The following RAD50 variants were observed in gnomAD, a reference collection of about 807,000 sequenced individuals.
RAD50 encodes the protein DNA repair protein RAD50.
RAD50 carries 132 observed loss-of-function variants against 168.8 expected under a neutral mutation model. The observed-to-expected ratio is 0.78, with a 90% CI of 0.68 to 0.90. RAD50 has a LOEUF of 0.90. Ranked by LOEUF, RAD50 falls within the 40% of genes least tolerant of loss-of-function variation. The pLI is 0.00. For missense variants in RAD50, 1,347 were observed against 1,534.4 expected (o/e 0.88, Z 2.04); for synonymous variants, 525 against 497.4 (o/e 1.06, Z -0.74).
chr5:132,599,660 C>G (rs1222752194), intron 13 of RAD50, among the ~76,000 whole-genome samples: 1 of 151,908 alleles, frequency 6.6e-6, no homozygotes, highest in African/African-American at 2.4e-5. Context: ...TAAGCTCAAG[C>G]AATCCTCCTA....
At chr5:132,637,444 A>T (rs1263799665) in intron 22 of RAD50, among the ~76,000 whole-genome samples, 1 of 152,186 alleles carries the variant, frequency 6.6e-6, no homozygotes, top group African/African-American at 2.4e-5. Flanking sequence ...TGATGACATA[A>T]TAGGTTCTGT....
chr5:132,569,894 C>T (rs1007591030), intron 2 of RAD50, among the ~76,000 whole-genome samples: 1 of 151,932 alleles, frequency 6.6e-6, no homozygotes, highest in Non-Finnish European at 1.5e-5. Context: ...AAAGGAATCA[C>T]AAGGGAAATT....
chr5:132,617,319 C>T (rs1366745417), intron 20 of RAD50, among the ~76,000 whole-genome samples: 1 of 152,148 alleles, frequency 6.6e-6, no homozygotes, highest in Non-Finnish European at 1.5e-5. Context: ...TTACTAAGTA[C>T]AACTATTTTT....
chr5:132,569,048 A>G (rs1750257428), intron 2 of RAD50, among the ~76,000 whole-genome samples: 1 of 152,202 alleles, frequency 6.6e-6, no homozygotes. Context: ...TACAAAATTC[A>G]CAATCAAAAG....
Position 132,617,999 on chromosome 5 carries a change from C to T in RAD50, c.3165-71C>T, listed in dbSNP as rs1013990942. Reference sequence around the variant, plus strand: ...TGATACTTAACCTATCTAAAGAAATCTATGACTTTTCCACTTCAGGTTGTT... The same window carrying T: ...TGATACTTAACCTATCTAAAGAAATTTATGACTTTTCCACTTCAGGTTGTT... On this transcript the variant is annotated intron_variant, in intron 20 of 24. Transcript: ENST00000378823. 2.4e-6 allele frequency: 3 copies of T among 1,235,972 alleles called. No individual in the cohort carries two copies. The African/African-American group carries it at 4.5e-5, about 18-fold the overall frequency. The allele number at this position is 1,235,972 out of a possible 1,614,324, so 76.6% of individuals were successfully genotyped here. A position where few individuals can be genotyped will look rare whatever the true frequency, so the allele number is the denominator to read the frequency against.
intron 13 of RAD50, among the ~76,000 whole-genome samples, chr5:132,602,118 TA>T (rs1276798595): frequency 1.3e-5 from 2 of 152,116 alleles, no homozygotes; most frequent in African/African-American, 4.8e-5. Context: ...TCCCAGAACT[TA>T]AAGCATAAAA....
chr5:132,572,621 C>G (rs1464361133), intron 2 of RAD50, among the ~76,000 whole-genome samples: 1 of 152,026 alleles, frequency 6.6e-6, no homozygotes, highest in East Asian at 1.9e-4. Context: ...CATTGTTGGT[C>G]TTTTAGGTCT....
intron 24 of RAD50, chr5:132,641,944 T>C: frequency 1.8e-6 from 1 of 553,794 alleles, no homozygotes; most frequent in South Asian, 2.3e-5. Flanking sequence ...TGTGAGTCCC[T>C]AAGCCAGACC....
intron 2 of RAD50, among the ~76,000 whole-genome samples, chr5:132,564,180 T>C (rs938737873): frequency 7.2e-5 from 11 of 151,990 alleles, no homozygotes; most frequent in African/African-American, 2.7e-4. Flanking sequence ...GGGTAATGGG[T>C]AGAGGTTGGA....
intron 5 of RAD50, among the ~76,000 whole-genome samples, chr5:132,584,038 A>G (rs940600417): frequency 6.6e-6 from 1 of 151,980 alleles, no homozygotes; most frequent in Non-Finnish European, 1.5e-5. Context: ...CTTCCATTGT[A>G]TGCATGTATT....
Position 132,579,844 on chromosome 5 carries a change from T to C in RAD50, c.552-18T>C. 6.3e-7 allele frequency: 1 copy of C among 1,590,642 alleles called. No individual in the cohort carries two copies. Among genetic ancestry groups the C allele is most frequent in the Non-Finnish European group, 8.6e-7 (1 of 1,159,296 alleles). On this transcript the variant is annotated intron_variant, in intron 4 of 24. Transcript: ENST00000378823. ...TTTACTTTGCCAGAAATTTGATTTT[T>C]GTTTCATATCTTCAAAGATACATTA...
chr5:132,594,755 T>C, intron 11 of RAD50, 114 bp from the exon 12 acceptor site: 4 of 1,116,700 alleles, frequency 3.6e-6, no homozygotes, highest in Non-Finnish European at 5.3e-6. Flanking sequence ...TATTTGGTCA[T>C]ACCAAACTCT....
At chr5:132,628,770 C>A (rs944146955) in intron 21 of RAD50, among the ~76,000 whole-genome samples, 4 of 151,896 alleles carry the variant, frequency 2.6e-5, no homozygotes, top group African/African-American at 9.7e-5. Context: ...TCGCCTGAAC[C>A]CGGGAGGCGG....
chr5:132,565,805 T>A (rs2299015), intron 2 of RAD50, among the ~76,000 whole-genome samples: 92 of 152,164 alleles, frequency 6.0e-4, no homozygotes, highest in African/African-American at 2.2e-3. Flanking sequence ...GACACTCTGC[T>A]TCTGAGCTGG....
intron 23 of RAD50, 70 bp downstream of exon 23, chr5:132,638,293 A>G: frequency 6.4e-7 from 1 of 1,572,402 alleles, no homozygotes; most frequent in Non-Finnish European, 8.7e-7. Flanking sequence ...ACATCAGTGC[A>G]GTGGAAGCAC....
intron 11 of RAD50, among the ~76,000 whole-genome samples, chr5:132,593,766 T>C (rs181028049): frequency 8.9e-4 from 135 of 152,320 alleles, no homozygotes; most frequent in Non-Finnish European, 1.4e-3. Context: ...AAGTCATTAG[T>C]ATGTCACCTT....
chr5:132,587,700 G>A lies in RAD50; in HGVS notation c.885+10G>A, dbSNP rs1438201235. 6.2e-7 allele frequency: 1 copy of A among 1,613,392 alleles called. No individual in the cohort carries two copies. Among genetic ancestry groups the A allele is most frequent in the Non-Finnish European group, 8.5e-7 (1 of 1,179,760 alleles). On this transcript the variant is annotated intron_variant, in intron 6 of 24. Transcript: ENST00000378823. ...AGAGAAAATGGAAAAGGTTTGTGGT[G>A]GTAGAATTTTGTTCTGCTTCAAAAT...
chr5:132,612,230 T>G lies in RAD50; in HGVS notation c.3036+2834T>G, dbSNP rs199915102. 2.0e-5 allele frequency among the ~76,000 whole-genome samples: 3 copies of G among 152,320 alleles called. No individual in the cohort carries two copies. The East Asian group carries it at 5.8e-4, about 29-fold the overall frequency. On this transcript the variant is annotated intron_variant, in intron 19 of 24. Transcript: ENST00000378823. ...ACATGAATGAACCCTTAAAACATGC[T>G]AAGCAAAAGAAGCCAGTCACAAAAG...
intron 13 of RAD50, among the ~76,000 whole-genome samples, chr5:132,599,879 A>G (rs1473712677): frequency 2.0e-5 from 3 of 152,192 alleles, no homozygotes; most frequent in Non-Finnish European, 4.4e-5. Flanking sequence ...ATTGATTTAC[A>G]TGATCATTAA....
Sources: allele counts gnomAD v4.1 joint callset (sites outside exome capture counted in the v4.1 genomes callset), GRCh38; gene constraint gnomAD v4.1.1; transcripts MANE v1.5; gene names NCBI Gene and HGNC (gene_info 2026-07-23, HGNC 2026-07-21).